The following SNRPG variants were observed in gnomAD, a reference collection of about 807,000 sequenced individuals.
SNRPG encodes small nuclear ribonucleoprotein polypeptide G.
Under a neutral mutation model 13.9 loss-of-function variants are expected in SNRPG, and 3 were observed. The observed-to-expected ratio is 0.22, with a 90% CI of 0.10 to 0.56. The LOEUF (loss-of-function observed/expected upper bound fraction) is 0.56, where lower values mean the gene tolerates loss of function less well. SNRPG is among the 20% of genes least tolerant of loss of function. SNRPG has a pLI of 0.93. For missense variants in SNRPG, 34 were observed against 96.1 expected (o/e 0.35, Z 2.70); for synonymous variants, 29 against 29.3 (o/e 0.99, Z 0.03).
At chr2:70,285,999 G>A (rs981382233) in intron 3 of SNRPG, among the ~76,000 whole-genome samples, 2 of 152,138 alleles carry the variant, frequency 1.3e-5, no homozygotes, top group East Asian at 3.8e-4. Context: ...AGATTGGAGT[G>A]CAGTAGTGTG....
At chr2:70,285,665 G>A (rs1251470959) in intron 3 of SNRPG, among the ~76,000 whole-genome samples, 1 of 152,102 alleles carries the variant, frequency 6.6e-6, no homozygotes, top group Non-Finnish European at 1.5e-5. Context: ...GATAAAGGAG[G>A]CCTATTGTAG....
At chr2:70,293,191 G>A (rs750641299) in intron 1 of SNRPG, 1 of 702,442 alleles carries the variant, frequency 1.4e-6, no homozygotes. Context: ...TTCGGATTCT[G>A]ATGCCTCACG....
intron 1 of SNRPG, among the ~76,000 whole-genome samples, chr2:70,290,256 T>A (rs534100278): frequency 6.6e-5 from 10 of 152,282 alleles, no homozygotes; most frequent in African/African-American, 2.2e-4. Flanking sequence ...CAAACAGTAA[T>A]CAAATCATAT....
At chr2:70,288,658 C>T (rs1697003203) in intron 2 of SNRPG, among the ~76,000 whole-genome samples, 1 of 152,140 alleles carries the variant, frequency 6.6e-6, no homozygotes, top group Non-Finnish European at 1.5e-5. Context: ...GTTTTTTCCC[C>T]TACATATATT....
intron 2 of SNRPG, among the ~76,000 whole-genome samples, chr2:70,288,529 G>C (rs184590802): frequency 7.9e-5 from 12 of 152,230 alleles, no homozygotes; most frequent in African/African-American, 2.9e-4. Flanking sequence ...AAAGTGCTGG[G>C]GGATTATAGG....
At chr2:70,293,474 G>T in intron 1 of SNRPG, 144 bp downstream of exon 1, 2 of 801,864 alleles carry the variant, frequency 2.5e-6, no homozygotes, top group Non-Finnish European at 4.4e-6. Flanking sequence ...ATGCGCGGGA[G>T]CCTGGCCGGG....
At chr2:70,291,865 A>C (rs1370222140) in intron 1 of SNRPG, among the ~76,000 whole-genome samples, 1 of 151,608 alleles carries the variant, frequency 6.6e-6, no homozygotes, top group Non-Finnish European at 1.5e-5. Flanking sequence ...CCAGTCCCTG[A>C]TGAATCCAGA....
intron 3 of SNRPG, among the ~76,000 whole-genome samples, chr2:70,282,181 G>T (rs1696806268): frequency 6.6e-6 from 1 of 152,168 alleles, no homozygotes; most frequent in Non-Finnish European, 1.5e-5. Context: ...CTCACAAAGT[G>T]CTGGGATTAC....
intron 1 of SNRPG, chr2:70,293,338 G>A: frequency 1.6e-6 from 1 of 640,388 alleles, no homozygotes; most frequent in South Asian, 1.8e-5. Flanking sequence ...TTCAAGGAAC[G>A]AGGGACAGCG....
At chr2:70,290,279 G>A (rs1460928713) in intron 1 of SNRPG, among the ~76,000 whole-genome samples, 1 of 151,710 alleles carries the variant, frequency 6.6e-6, no homozygotes, top group Non-Finnish European at 1.5e-5. Flanking sequence ...AATTCAATAG[G>A]TATTTTATAT....
chr2:70,287,409 A>C, intron 3 of SNRPG: 1 of 693,560 alleles, frequency 1.4e-6, no homozygotes, highest in Non-Finnish European at 2.6e-6. Context: ...TCTGGGTATC[A>C]AAACTCTTCT....
In SNRPG at chr2:70,281,544, T is replaced by C. The variant is rs1696783757; in HGVS notation, c.*90A>G. ...AAAGTTTATTTAACAAAAAGTCTAATATGAAAATGTACATGACCTAATTTT... is the reference window on the plus strand; with the variant it reads ...AAAGTTTATTTAACAAAAAGTCTAACATGAAAATGTACATGACCTAATTTT... On this transcript the variant is annotated 3_prime_UTR_variant, in exon 4 of 4. Coordinates refer to ENST00000272348, the MANE Select transcript of SNRPG (RefSeq NM_003096.4). 1.5e-5 allele frequency: 10 copies of C among 665,382 alleles called. No individual in the cohort carries two copies. The highest frequency in any genetic ancestry group is 2.6e-5 in the Non-Finnish European group (10 of 391,468). 41.2% of individuals were successfully genotyped at this position (665,382 alleles called of 1,614,324 possible). A position where few individuals can be genotyped will look rare whatever the true frequency, so the allele number is the denominator to read the frequency against.
intron 3 of SNRPG, among the ~76,000 whole-genome samples, chr2:70,286,349 A>G (rs1696941223): frequency 1.3e-5 from 2 of 152,250 alleles, no homozygotes; most frequent in African/African-American, 4.8e-5. Context: ...TAACAAAATA[A>G]CAAAACCTTA....
At chr2:70,281,942 GAC>G (rs1374637235) in intron 3 of SNRPG, among the ~76,000 whole-genome samples, 1 of 151,560 alleles carries the variant, frequency 6.6e-6, no homozygotes, top group African/African-American at 2.4e-5. Flanking sequence ...TTTTTTTTGA[GAC>G]AGTCTCACTC....
chr2:70,283,114 A>AAAAAAAAAAAC (rs1289302636), intron 3 of SNRPG, among the ~76,000 whole-genome samples: 13 of 147,890 alleles, frequency 8.8e-5, no homozygotes, highest in African/African-American at 3.3e-4. Context: ...AAAAAAAAAA[A>AAAAAAAAAAAC]AAAAAAAAAA....
chr2:70,285,520 C>T (rs189932538), intron 3 of SNRPG, among the ~76,000 whole-genome samples: 172 of 152,090 alleles, frequency 1.1e-3, no homozygotes, highest in East Asian at 4.3e-3. Context: ...TGCAGTGACC[C>T]GAGACCACAC....
Position 70,282,037 on chromosome 2 carries a change from C to T in SNRPG, c.181-353G>A, listed in dbSNP as rs7560553. ...CAGGTTCAAGCAATCCTGCTTCAGC[C>T]TCCCAAGTAGCTAGGATTACAGGAG... is the stretch of plus-strand genomic sequence containing the variant. On this transcript the variant is annotated intron_variant, in intron 3 of 3. Coordinates refer to ENST00000272348, the MANE Select transcript of SNRPG (RefSeq NM_003096.4). Among the ~76,000 whole-genome samples the T allele has an allele frequency of 6.5e-3, 989 of 152,260 alleles. 11 individuals are homozygous for T. The highest frequency in any genetic ancestry group is 0.023 in the African/African-American group (944 of 41,536).
chr2:70,290,951 C>T (rs563252226), intron 1 of SNRPG, among the ~76,000 whole-genome samples: 3 of 143,488 alleles, frequency 2.1e-5, no homozygotes, highest in East Asian at 2.1e-4. Context: ...GCACAGGTTG[C>T]GGTGAGCCAA....
At chr2:70,283,887 T>C (rs1275634041) in intron 3 of SNRPG, among the ~76,000 whole-genome samples, 1 of 152,148 alleles carries the variant, frequency 6.6e-6, no homozygotes, top group Non-Finnish European at 1.5e-5. Context: ...GGTAAAACCC[T>C]GTCTCTACAA....
Sources: gnomAD v4.1 joint callset for allele counts (sites outside exome capture counted in the v4.1 genomes callset) on GRCh38, gnomAD v4.1.1 for gene constraint, MANE v1.5 for transcripts, NCBI Gene and HGNC (gene_info 2026-07-23, HGNC 2026-07-21) for gene names.